KCNN3: variants seen among roughly 807,000 people sequenced by gnomAD.
KCNN3 encodes the protein small conductance calcium-activated potassium channel protein 3.
Under a neutral mutation model 62.9 loss-of-function variants are expected in KCNN3, and 16 were observed. That is an observed-to-expected ratio of 0.25 (90% CI 0.17 to 0.39). The LOEUF (loss-of-function observed/expected upper bound fraction) is 0.39. Ranked by LOEUF, KCNN3 falls within the 10% of genes least tolerant of loss-of-function variation. KCNN3 has a pLI of 1.00. For synonymous variants in KCNN3, 370 were observed against 389.2 expected, an observed-to-expected ratio of 0.95 and a Z score of 0.58; for missense variants, 599 against 949.4, an observed-to-expected ratio of 0.63 and a Z score of 4.85.
intron 5 of KCNN3, among the ~76,000 whole-genome samples, chr1:154,725,560 T>TTC (rs1700445105): frequency 6.6e-6 from 1 of 151,584 alleles, no homozygotes. Context: ...TTTTTTTTTT[T>TTC]TGAGATGGAA....
At chr1:154,776,445 G>A (rs1648794737) in intron 2 of KCNN3, among the ~76,000 whole-genome samples, 1 of 152,110 alleles carries the variant, frequency 6.6e-6, no homozygotes, top group African/African-American at 2.4e-5. Context: ...TAGGGGGTGG[G>A]GGAGAGTTTT....
At chr1:154,820,960 T>C (rs1438332383) in intron 2 of KCNN3, among the ~76,000 whole-genome samples, 1 of 152,200 alleles carries the variant, frequency 6.6e-6, no homozygotes, top group Non-Finnish European at 1.5e-5. Flanking sequence ...GCACTGCTGC[T>C]CCACCCTGAA....
chr1:154,759,000 G>A (rs1002744322), intron 3 of KCNN3, among the ~76,000 whole-genome samples: 5 of 152,114 alleles, frequency 3.3e-5, no homozygotes, highest in African/African-American at 7.2e-5. Context: ...TAGAGACAGC[G>A]TTTCGCCATG....
At chr1:154,781,127 C>T (rs1301981522) in intron 2 of KCNN3, among the ~76,000 whole-genome samples, 5 of 152,194 alleles carry the variant, frequency 3.3e-5, no homozygotes, top group Non-Finnish European at 5.9e-5. Context: ...AATGACCACT[C>T]ATGGGGGTTA....
intron 3 of KCNN3, chr1:154,736,947 TG>T: frequency 2.9e-6 from 2 of 684,000 alleles, no homozygotes; most frequent in Non-Finnish European, 5.4e-6. Context: ...GCTTCTCTGG[TG>T]GGGGCTACGG....
At chr1:154,751,571 G>A (rs961232291) in intron 3 of KCNN3, among the ~76,000 whole-genome samples, 10 of 152,308 alleles carry the variant, frequency 6.6e-5, no homozygotes, top group African/African-American at 1.9e-4. Flanking sequence ...CACCTGGGGT[G>A]CCTGAAATGG....
At chr1:154,780,164 T>C (rs1648963784) in intron 2 of KCNN3, among the ~76,000 whole-genome samples, 1 of 150,466 alleles carries the variant, frequency 6.6e-6, no homozygotes, top group South Asian at 2.1e-4. Context: ...GGGGTAGGCA[T>C]GCAGGGAAGC....
chr1:154,794,946 G>A (rs184711482), intron 2 of KCNN3, among the ~76,000 whole-genome samples: 4 of 152,194 alleles, frequency 2.6e-5, no homozygotes, highest in Admixed American at 2.6e-4. Context: ...TCCAATCCCT[G>A]AGGATGTCTG....
chr1:154,797,049 G>A (rs1207017925), intron 2 of KCNN3, among the ~76,000 whole-genome samples: 5 of 152,166 alleles, frequency 3.3e-5, no homozygotes, highest in East Asian at 1.9e-4. Context: ...CTAGCCCTGC[G>A]ACAGTGTCAT....
At chr1:154,737,036 C>A (rs891929187) in intron 3 of KCNN3, 1 of 701,992 alleles carries the variant, frequency 1.4e-6, no homozygotes, top group African/African-American at 1.7e-5. Flanking sequence ...GACATACATG[C>A]AACTCACCAA....
intron 1 of KCNN3, chr1:154,868,111 G>A: frequency 1.0e-6 from 1 of 985,532 alleles, no homozygotes; most frequent in Non-Finnish European, 1.2e-6. Context: ...TTATCCCAAG[G>A]AGGAGTTGAG....
chr1:154,766,328 G>T lies in KCNN3; in HGVS notation c.1448+5647C>A, dbSNP rs978570447. Among the ~76,000 whole-genome samples the T allele has an allele frequency of 2.7e-5, 4 of 148,698 alleles. No individual in the cohort carries two copies. In the South Asian group the frequency reaches 8.5e-4, roughly 32 times the overall value. On this transcript the variant is annotated intron_variant, in intron 3 of 7. Coordinates refer to ENST00000271915, the MANE Select transcript of KCNN3 (RefSeq NM_002249.6). ...GGCTCCTACCAATTAAAAATTTTTT[G>T]AGCATGCCCTCCTCCATTATACATA...
chr1:154,707,663 C>A lies in KCNN3; in HGVS notation c.*313G>T, dbSNP rs548356557. On this transcript the variant is annotated 3_prime_UTR_variant, in exon 8 of 8. Transcript: ENST00000271915. Reference sequence around the variant, plus strand: ...ACTTCAGTGCATCTGACCCCCACCCCCCGCGTGAAGACCTGAGATTGAGCG... The same window carrying A: ...ACTTCAGTGCATCTGACCCCCACCCACCGCGTGAAGACCTGAGATTGAGCG... 1.7e-5 allele frequency: 5 copies of A among 294,276 alleles called. No homozygotes were observed. The highest frequency in any genetic ancestry group is 1.5e-4 in the East Asian group (2 of 13,526). 18.2% of individuals were successfully genotyped at this position (294,276 alleles called of 1,614,324 possible).
At position 154,869,956 on chromosome 1, in the gene KCNN3, A is replaced by T; in HGVS notation, c.9T>A (p.Thr3=). ...CCCCCGAGTCATGGAAGTGCCCAGA[A>T]GTGTCCATCTTGGGGCCTGGCTGTA... The part of the protein sequence containing the change: MD[T]SGHFHDSGVG... The change falls in exon 1 of 8, where the codon ACT becomes ACA. Residue 3 remains threonine, a synonymous_variant. Transcript: ENST00000271915. This position sits in a 1 kb window ranked among gnomAD's most constrained non-coding sequence, Gnocchi z 6.1. 1 of 1,611,038 alleles carries T rather than the reference A, an allele frequency of 6.2e-7. No homozygotes were observed.
At chr1:154,754,920 G>A (rs1027813659) in intron 3 of KCNN3, among the ~76,000 whole-genome samples, 2 of 152,178 alleles carry the variant, frequency 1.3e-5, no homozygotes, top group Non-Finnish European at 2.9e-5. Context: ...GCAACATGAT[G>A]AGTTTGATCA....
intron 1 of KCNN3, among the ~76,000 whole-genome samples, chr1:154,828,449 A>T (rs1651232853): frequency 6.6e-6 from 1 of 152,026 alleles, no homozygotes; most frequent in Non-Finnish European, 1.5e-5. Flanking sequence ...TCTTCTCCTC[A>T]AACACAACAA....
chr1:154,830,964 G>T (rs1264134026), intron 1 of KCNN3, among the ~76,000 whole-genome samples: 2 of 152,180 alleles, frequency 1.3e-5, no homozygotes, highest in African/African-American at 4.8e-5. Context: ...TAAGGTCTGG[G>T]CAGAGGGGAA....
At chr1:154,757,347 T>C (rs187655964) in intron 3 of KCNN3, among the ~76,000 whole-genome samples, 1 of 152,324 alleles carries the variant, frequency 6.6e-6, no homozygotes, top group Non-Finnish European at 1.5e-5. Context: ...TCCTGGCTGG[T>C]TCCCACGTGG....
At position 154,701,857 on chromosome 1, in the gene KCNN3, G is replaced by C. The variant is rs1360906902; in HGVS notation, c.*6119C>G. On this transcript the variant is annotated 3_prime_UTR_variant, in exon 8 of 8. Transcript: ENST00000271915. ...AGAAACTCAGAATGCCTAGGATTTT[G>C]AGTATTTTAAGTTACAGGAAAACAG... 6.6e-6 allele frequency: 1 copy of C among 152,164 alleles called. No individual in the cohort carries two copies. The highest frequency in any genetic ancestry group is 2.4e-5 in the African/African-American group (1 of 41,420). 9.4% of individuals were successfully genotyped at this position (152,164 alleles called of 1,614,324 possible).
Sources: allele counts gnomAD v4.1 joint callset (sites outside exome capture counted in the v4.1 genomes callset), GRCh38; gene constraint gnomAD v4.1.1; non-coding constraint Gnocchi (gnomAD v3.1); transcripts MANE v1.5; gene names NCBI Gene and HGNC (gene_info 2026-07-23, HGNC 2026-07-21).